The following PXYLP1 variants were observed in gnomAD, a reference collection of about 807,000 sequenced individuals.
PXYLP1 encodes the protein acid phosphatase-like 2.
PXYLP1 carries 17 observed loss-of-function variants against 37.9 expected under a neutral mutation model. The ratio of observed to expected loss-of-function variants is 0.45; its 90% CI spans 0.31 to 0.67. PXYLP1 has a LOEUF of 0.67. Ranked by LOEUF, PXYLP1 falls within the 30% of genes least tolerant of loss-of-function variation. PXYLP1 has a pLI of 0.07. For synonymous variants in PXYLP1, 221 were observed against 232.2 expected (o/e 0.95, Z 0.44); for missense variants, 511 against 612.0 (o/e 0.84, Z 1.74).
At chr3:141,267,092 C>T (rs1047714850) in intron 2 of PXYLP1, among the ~76,000 whole-genome samples, 2 of 152,054 alleles carry the variant, frequency 1.3e-5, no homozygotes, top group African/African-American at 4.8e-5. Context: ...GTGATTCTGC[C>T]GAGGCACACG....
chr3:141,257,108 A>G (rs1244379091), intron 1 of PXYLP1, among the ~76,000 whole-genome samples: 1 of 152,230 alleles, frequency 6.6e-6, no homozygotes, highest in Non-Finnish European at 1.5e-5. Context: ...GTGCCTACAG[A>G]TGAGGATATT....
intron 1 of PXYLP1, among the ~76,000 whole-genome samples, chr3:141,250,591 G>A (rs144929189): frequency 6.6e-6 from 1 of 152,220 alleles, no homozygotes; most frequent in Non-Finnish European, 1.5e-5. Context: ...TGGGCAGCCT[G>A]GGGGAGGGAT....
intron 1 of PXYLP1, among the ~76,000 whole-genome samples, chr3:141,233,095 C>T (rs1940571081): frequency 6.8e-6 from 1 of 147,816 alleles, no homozygotes; most frequent in African/African-American, 2.5e-5. Flanking sequence ...CGACTGCGGT[C>T]GGGCTTGGCA....
At chr3:141,257,978 G>A (rs924305907) in intron 1 of PXYLP1, among the ~76,000 whole-genome samples, 1 of 150,968 alleles carries the variant, frequency 6.6e-6, no homozygotes, top group Non-Finnish European at 1.5e-5. Context: ...AAGACCATAG[G>A]AAACATACTT....
At chr3:141,290,418 C>T (rs144108462) in intron 5 of PXYLP1, among the ~76,000 whole-genome samples, 65 of 152,160 alleles carry the variant, frequency 4.3e-4, no homozygotes, top group African/African-American at 1.3e-3. Flanking sequence ...AGTGCAGTGC[C>T]GGCATATGAG....
chr3:141,247,235 A>C (rs1175566382), intron 1 of PXYLP1, among the ~76,000 whole-genome samples: 1 of 152,236 alleles, frequency 6.6e-6, no homozygotes, highest in Non-Finnish European at 1.5e-5. Flanking sequence ...GCTTGAAGTG[A>C]GGCTGCACTG....
At chr3:141,290,524 G>A (rs1942178012) in intron 5 of PXYLP1, among the ~76,000 whole-genome samples, 1 of 152,232 alleles carries the variant, frequency 6.6e-6, no homozygotes, top group South Asian at 2.1e-4. Context: ...AAGAAGGAAA[G>A]CACTACAGAG....
intron 1 of PXYLP1, among the ~76,000 whole-genome samples, chr3:141,258,087 A>G (rs897192821): frequency 1.3e-5 from 2 of 152,156 alleles, no homozygotes; most frequent in Non-Finnish European, 2.9e-5. Context: ...ACCCAGCAGC[A>G]GAAACAAGGC....
At chr3:141,240,139 T>C (rs948106849) in intron 1 of PXYLP1, among the ~76,000 whole-genome samples, 2 of 152,216 alleles carry the variant, frequency 1.3e-5, no homozygotes, top group South Asian at 4.1e-4. Flanking sequence ...CTTGTGTTAC[T>C]CTCTTGGCCT....
chr3:141,240,536 A>G (rs1278109586), intron 1 of PXYLP1, among the ~76,000 whole-genome samples: 1 of 152,122 alleles, frequency 6.6e-6, no homozygotes, highest in East Asian at 1.9e-4. Context: ...TCCACTGGCC[A>G]GGGCTCAGTC....
intron 2 of PXYLP1, among the ~76,000 whole-genome samples, chr3:141,269,738 A>AT (rs149895158): frequency 2.1e-4 from 32 of 152,328 alleles, no homozygotes; most frequent in African/African-American, 6.5e-4. Flanking sequence ...TTAAGGAGAC[A>AT]GGTTCTTTTC....
Position 141,263,167 on chromosome 3 carries a change from A to T in PXYLP1, c.79+2913A>T, listed in dbSNP as rs535418545. ...CTTAAATAAGTATGTCTTCCTCTGG[A>T]TACAGAAAGTATGTAGTGAACCTAC... is the stretch of plus-strand genomic sequence containing the variant. On this transcript the variant is annotated intron_variant, in intron 2 of 5. Transcript: ENST00000286353. 5.9e-5 allele frequency among the ~76,000 whole-genome samples: 9 copies of T among 152,332 alleles called. No individual in the cohort carries two copies. In the South Asian group the frequency reaches 1.9e-3, roughly 32 times the overall value.
At chr3:141,285,261 T>TAAA (rs2148830365) in intron 4 of PXYLP1, among the ~76,000 whole-genome samples, 1 of 149,594 alleles carries the variant, frequency 6.7e-6, no homozygotes, top group Non-Finnish European at 1.5e-5. Flanking sequence ...ATCCTCCTGC[T>TAAA]TTAGCCTCCT....
intron 2 of PXYLP1, chr3:141,274,159 G>GC: frequency 9.8e-7 from 1 of 1,019,824 alleles, no homozygotes; most frequent in South Asian, 4.1e-5. Flanking sequence ...TCTGCCCCCA[G>GC]CCCCTGGGTC....
intron 1 of PXYLP1, chr3:141,234,210 G>A (rs954016336): frequency 5.9e-5 from 9 of 151,844 alleles, no homozygotes; most frequent in Non-Finnish European, 1.3e-4. Flanking sequence ...TGTGTGTTTG[G>A]AGCAGTGAGT....
chr3:141,234,540 T>C (rs1449000752), intron 1 of PXYLP1, among the ~76,000 whole-genome samples: 1 of 152,208 alleles, frequency 6.6e-6, no homozygotes, highest in Non-Finnish European at 1.5e-5. Context: ...GGGTGTTGCT[T>C]CCTGTGGCGA....
intron 2 of PXYLP1, chr3:141,274,520 C>A: frequency 6.7e-7 from 1 of 1,481,556 alleles, no homozygotes; most frequent in Non-Finnish European, 9.1e-7. Flanking sequence ...TGTTTGGATG[C>A]CCCTCACCCC....
intron 4 of PXYLP1, 53 bp downstream of exon 4, chr3:141,279,557 G>C: frequency 6.2e-7 from 1 of 1,607,172 alleles, no homozygotes; most frequent in South Asian, 1.1e-5. Flanking sequence ...ATATCCTGTA[G>C]GATAGAGAAT....
intron 1 of PXYLP1, chr3:141,235,172 T>C (rs1225349116): frequency 6.6e-6 from 1 of 152,160 alleles, no homozygotes; most frequent in East Asian, 1.9e-4. Context: ...GTCACTGAGA[T>C]AGGAAAAATG....
Sources: gnomAD v4.1 joint callset for allele counts (sites outside exome capture counted in the v4.1 genomes callset) on GRCh38, gnomAD v4.1.1 for gene constraint, MANE v1.5 for transcripts, NCBI Gene and HGNC (gene_info 2026-07-23, HGNC 2026-07-21) for gene names.